PRDM16: variants seen among roughly 807,000 people sequenced by gnomAD.
The protein encoded by PRDM16 is PR/SET domain 16, also known as histone-lysine N-methyltransferase PRDM16.
PRDM16 carries 23 observed loss-of-function variants against 110.6 expected under a neutral mutation model. That is an observed-to-expected ratio of 0.21 (90% CI 0.15 to 0.29). The LOEUF is 0.29. Ranked by LOEUF, PRDM16 falls within the 10% of genes least tolerant of loss-of-function variation. PRDM16 has a pLI of 1.00. For missense variants in PRDM16, 1,615 were observed against 1,794.3 expected (o/e 0.90, Z 1.81); for synonymous variants, 799 against 781.8 (o/e 1.02, Z -0.37).
chr1:3,230,766 G>T (rs896262568), intron 2 of PRDM16, among the ~76,000 whole-genome samples: 1 of 152,200 alleles, frequency 6.6e-6, no homozygotes, highest in Non-Finnish European at 1.5e-5. Context: ...TGGTGCCTGC[G>T]CACCTTCCTT....
In PRDM16 at chr1:3,143,114, C is replaced by T. The variant is rs1643583676; in HGVS notation, c.38-43011C>T. Among the ~76,000 whole-genome samples the T allele has an allele frequency of 6.6e-6, 1 of 152,220 alleles. No individual in the cohort carries two copies. The highest frequency in any genetic ancestry group is 1.5e-5 in the Non-Finnish European group (1 of 68,040). ...GAGCTCTGTCTTTTCAGTCGCCTGT[C>T]ATTTAAAATGAAAGTAAGAAGGGAG... On this transcript the variant is annotated intron_variant, in intron 1 of 16. Coordinates refer to ENST00000270722, the MANE Select transcript of PRDM16 (RefSeq NM_022114.4). This position sits in a 1 kb window ranked among gnomAD's most constrained non-coding sequence, Gnocchi z 4.5.
At chr1:3,234,132 G>A (rs4648461) in intron 2 of PRDM16, among the ~76,000 whole-genome samples, 4,040 of 152,230 alleles carry the variant, frequency 0.027, 288 homozygotes, top group East Asian at 0.22. Flanking sequence ...TTGGGCTCTT[G>A]GAACCCGGGC....
chr1:3,346,802 G>A (rs779304873), intron 3 of PRDM16, among the ~76,000 whole-genome samples: 8 of 152,172 alleles, frequency 5.3e-5, no homozygotes, highest in East Asian at 1.9e-4. Flanking sequence ...ACGTTCGCCC[G>A]CCCCAGTGGC....
chr1:3,072,891 C>G (rs1641801844), intron 1 of PRDM16, among the ~76,000 whole-genome samples: 2 of 152,284 alleles, frequency 1.3e-5, no homozygotes, highest in Non-Finnish European at 2.9e-5. Context: ...CCCCCTCCCT[C>G]AGCCCCTGGC....
At position 3,113,622 on chromosome 1, in the gene PRDM16, T is replaced by A. The variant is rs376013495; in HGVS notation, c.37+44326T>A. 9.2e-5 allele frequency among the ~76,000 whole-genome samples: 14 copies of A among 152,336 alleles called. No individual in the cohort carries two copies. The South Asian group carries it at 2.9e-3, about 32-fold the overall frequency. ...TGCTCCGAATAATCCCTTGTCTTGC[T>A]GGTCGTCCTGGGCACTGCAGGGCGC... is the stretch of plus-strand genomic sequence containing the variant. On this transcript the variant is annotated intron_variant, in intron 1 of 16. Transcript: ENST00000270722.
intron 2 of PRDM16, among the ~76,000 whole-genome samples, chr1:3,242,923 G>A (rs1207898270): frequency 1.3e-5 from 2 of 152,228 alleles, no homozygotes; most frequent in African/African-American, 2.4e-5. Flanking sequence ...TTTGGGTCCA[G>A]AAGGGAAAAA....
rs568295251 is a variant in PRDM16, at chr1:3,394,462, A to ACCTCACC, written c.574-2027_574-2026insTCACCCC. On this transcript the variant is annotated intron_variant, in intron 4 of 16. Transcript: ENST00000270722. ...AGGATGCCCGAGGTCTCACGTCAGG[A>ACCTCACC]CCCTCGACGGGGGTGGGGTGGAGAG... 3.7e-3 allele frequency: 1,184 copies of ACCTCACC among 321,008 alleles called. 17 individuals carry two copies. Among genetic ancestry groups the ACCTCACC allele is most frequent in the African/African-American group, 0.034 (1,059 of 31,416 alleles). The allele number at this position is 321,008 out of a possible 1,614,324, so 19.9% of individuals were successfully genotyped here.
intron 1 of PRDM16, among the ~76,000 whole-genome samples, chr1:3,108,817 T>C (rs922239755): frequency 6.6e-6 from 1 of 151,960 alleles, no homozygotes; most frequent in African/African-American, 2.4e-5. Flanking sequence ...GTGCTCAGGA[T>C]GCCAACAGAT....
intron 1 of PRDM16, among the ~76,000 whole-genome samples, chr1:3,127,631 AG>A (rs1465558797): frequency 5.3e-5 from 8 of 152,268 alleles, no homozygotes; most frequent in African/African-American, 1.9e-4. Flanking sequence ...ACAGATGCTC[AG>A]GGCCACTGCT....
Position 3,430,956 on chromosome 1 carries a change from C to A in PRDM16, c.3369C>A (p.Asp1123Glu), listed in dbSNP as rs370420046. ...AGGAGGACGTGGAGGAGGAGGACGA[C>A]GATGACCTGGAGGAGGACGATGAGG... Reference protein sequence around the residue: ...EKQEDVEEEDDDDLEEDDEDS... With the variant: ...EKQEDVEEEDEDDLEEDDEDS... The change falls in exon 15 of 17, where the codon GAC becomes GAA. Residue 1123 changes from aspartate to glutamate, a missense_variant. By Grantham distance (45) the Asp-to-Glu change is conservative. Coordinates refer to ENST00000270722, the MANE Select transcript of PRDM16 (RefSeq NM_022114.4). The A allele has an allele frequency of 3.1e-6, 5 of 1,613,322 alleles. No homozygotes were observed. The highest frequency in any genetic ancestry group is 4.2e-6 in the Non-Finnish European group (5 of 1,179,624).
chr1:3,381,081 A>G (rs905371583), intron 3 of PRDM16, among the ~76,000 whole-genome samples: 2 of 152,194 alleles, frequency 1.3e-5, no homozygotes, highest in Non-Finnish European at 2.9e-5. Context: ...CATCGCTTCA[A>G]TGTCCTCCTG....
chr1:3,219,314 G>A (rs997746324), intron 2 of PRDM16, among the ~76,000 whole-genome samples: 2 of 152,218 alleles, frequency 1.3e-5, no homozygotes, highest in South Asian at 2.1e-4. Flanking sequence ...ACACTGTGTC[G>A]GCGAGAGCAA....
At chr1:3,205,128 C>T (rs1208892657) in intron 2 of PRDM16, among the ~76,000 whole-genome samples, 7 of 113,126 alleles carry the variant, frequency 6.2e-5, no homozygotes, top group African/African-American at 2.1e-4. Context: ...TTGGTGGGGG[C>T]GGGGCTGCTC....
chr1:3,404,742 G>C lies in PRDM16; in HGVS notation c.888G>C (p.Leu296=). ...GTGAGCCTCGTCCTCTGCGCAGCCT[G>C]GAGCAGCACATGGTCATCCACACGG... is the stretch of plus-strand genomic sequence containing the variant. ...CERMFPNKYS[L]EQHMVIHTEE... Residue 296 remains leucine (L), a synonymous_variant, in exon 7 of 17, where the codon CTG becomes CTC. Transcript: ENST00000270722. 6.2e-7 allele frequency: 1 copy of C among 1,613,338 alleles called. No individual in the cohort carries two copies. Among genetic ancestry groups the C allele is most frequent in the Non-Finnish European group, 8.5e-7 (1 of 1,179,946 alleles).
At chr1:3,111,639 A>G (rs929044446) in intron 1 of PRDM16, among the ~76,000 whole-genome samples, 2 of 152,042 alleles carry the variant, frequency 1.3e-5, no homozygotes, top group African/African-American at 4.8e-5. Flanking sequence ...GGCGCAGGTC[A>G]GGGGCGCACG....
rs1331292320 is a variant in PRDM16, at chr1:3,080,904, T to C, written c.37+11608T>C. Among the ~76,000 whole-genome samples the C allele has an allele frequency of 6.6e-6, 1 of 152,066 alleles. No individual in the cohort carries two copies. Among genetic ancestry groups the C allele is most frequent in the East Asian group, 1.9e-4 (1 of 5,172 alleles). ...GAACCCCGGCCCGAGCACCCAACGC[T>C]TCCCGGAGAGCTTGTGTGCCTGAGA... On this transcript the variant is annotated intron_variant, in intron 1 of 16. Transcript: ENST00000270722. This position sits in a 1 kb window ranked among gnomAD's most constrained non-coding sequence, Gnocchi z 5.2.
In PRDM16 at chr1:3,321,555, A is replaced by T. The variant is rs184023021; in HGVS notation, c.439-63597A>T. On this transcript the variant is annotated intron_variant, in intron 3 of 16. Coordinates refer to ENST00000270722, the MANE Select transcript of PRDM16 (RefSeq NM_022114.4). ...GTGTGTGTATGTACGTTTGTGTGTG[A>T]GTGCAAATGTGTGTGAGAGTGTTTG... 6.8e-5 allele frequency among the ~76,000 whole-genome samples: 10 copies of T among 147,678 alleles called. No homozygotes were observed. In the East Asian group the frequency reaches 1.0e-3, roughly 15 times the overall value.
intron 2 of PRDM16, among the ~76,000 whole-genome samples, chr1:3,232,891 G>A (rs145004730): frequency 9.8e-4 from 149 of 152,022 alleles, no homozygotes; most frequent in Non-Finnish European, 1.5e-3. Flanking sequence ...TGACCCAGGC[G>A]CTGTTACCAG....
chr1:3,114,620 A>G (rs901371176), intron 1 of PRDM16, among the ~76,000 whole-genome samples: 1 of 144,604 alleles, frequency 6.9e-6, no homozygotes, highest in South Asian at 2.3e-4. Context: ...GTGCATACAC[A>G]CATGAACACA....
Sources: gnomAD v4.1 joint callset for allele counts (sites outside exome capture counted in the v4.1 genomes callset) on GRCh38, gnomAD v4.1.1 for gene constraint, Gnocchi (gnomAD v3.1) non-coding constraint, MANE v1.5 for transcripts, NCBI Gene and HGNC (gene_info 2026-07-23, HGNC 2026-07-21) for gene names.